UAP1: variants seen among roughly 807,000 people sequenced by gnomAD.
The protein encoded by UAP1 is UDP-N-acetylhexosamine pyrophosphorylase.
UAP1 carries 25 observed loss-of-function variants against 58.5 expected under a neutral mutation model. The ratio of observed to expected loss-of-function variants is 0.43; its 90% CI spans 0.31 to 0.60. The LOEUF (loss-of-function observed/expected upper bound fraction) is 0.60. Ranked by LOEUF, UAP1 falls within the 20% of genes least tolerant of loss-of-function variation. The probability of loss-of-function intolerance (pLI) is 0.11; values close to 1 mark genes in which losing one functional copy is unlikely to be tolerated. For synonymous variants in UAP1, 208 were observed against 213.0 expected (o/e 0.98, Z 0.21); for missense variants, 575 against 630.0 (o/e 0.91, Z 0.93).
intron 7 of UAP1, among the ~76,000 whole-genome samples, chr1:162,589,174 T>C (rs1655122306): frequency 1.0e-5 from 1 of 98,432 alleles, no homozygotes; most frequent in Non-Finnish European, 1.9e-5. Flanking sequence ...AATATATAAA[T>C]ATTATATATA....
At chr1:162,592,584 AT>A in intron 8 of UAP1, 147 bp from the exon 9 acceptor site, 2 of 632,712 alleles carry the variant, frequency 3.2e-6, no homozygotes, top group South Asian at 2.0e-5. Flanking sequence ...TTTTATTTTT[AT>A]TTTTTTACCC....
At chr1:162,587,153 C>T (rs2101810573) in intron 5 of UAP1, among the ~76,000 whole-genome samples, 1 of 152,158 alleles carries the variant, frequency 6.6e-6, no homozygotes, top group East Asian at 1.9e-4. Context: ...GTACAAGATA[C>T]ATGGGGGATG....
At chr1:162,600,698 ATT>A (rs912027701), downstream of UAP1, among the ~76,000 whole-genome samples, 1 of 139,258 alleles carries the variant, frequency 7.2e-6, no homozygotes, top group Non-Finnish European at 1.6e-5. Flanking sequence ...AATCTTACCT[ATT>A]TTTTTTTTAA....
intron 1 of UAP1, among the ~76,000 whole-genome samples, chr1:162,563,768 T>C (rs1004889519): frequency 1.3e-5 from 2 of 152,250 alleles, no homozygotes; most frequent in Non-Finnish European, 1.5e-5. Context: ...TAAAATGTTA[T>C]AGTAATATGT....
At chr1:162,576,755 A>T in intron 2 of UAP1, 22 bp from the exon 3 acceptor site, 1 of 1,606,612 alleles carries the variant, frequency 6.2e-7, no homozygotes, top group East Asian at 2.2e-5. Flanking sequence ...AGGTTTTGTG[A>T]TACAAGTGTT....
exon 11 of UAP1, chr1:162,599,341 A>G (rs1198065907): frequency 6.2e-7 from 1 of 1,611,322 alleles, no homozygotes; most frequent in Non-Finnish European, 8.5e-7. Context: ...GGAGTTCATG[A>G]GCTGGTGAAA....
intron 9 of UAP1, 68 bp downstream of exon 9, chr1:162,592,850 C>T (rs115126765): frequency 0.024 from 33,248 of 1,387,028 alleles, 466 homozygotes; most frequent in Non-Finnish European, 0.027. Flanking sequence ...TAACTGGCAT[C>T]GTAGTTTAGT....
At chr1:162,583,418 GCTGGGATT>G (rs1433989986) in intron 5 of UAP1, among the ~76,000 whole-genome samples, 2 of 151,938 alleles carry the variant, frequency 1.3e-5, no homozygotes, top group African/African-American at 4.8e-5. Flanking sequence ...CTCCCAAAGT[GCTGGGATT>G]ACAGGCGTGA....
At chr1:162,579,468 G>C (rs1383863868) in exon 4 of UAP1, 2 of 1,604,490 alleles carry the variant, frequency 1.2e-6, no homozygotes, top group East Asian at 2.2e-5. Context: ...ATCTACAAAG[G>C]AGTTCTTCAC....
intron 1 of UAP1, among the ~76,000 whole-genome samples, chr1:162,563,244 C>T (rs1490585068): frequency 6.6e-6 from 1 of 152,130 alleles, no homozygotes; most frequent in Non-Finnish European, 1.5e-5. Flanking sequence ...ATGAATTGTG[C>T]TTGTCCAAAA....
intron 2 of UAP1, among the ~76,000 whole-genome samples, chr1:162,572,234 A>C (rs998383312): frequency 6.6e-6 from 1 of 152,218 alleles, no homozygotes; most frequent in African/African-American, 2.4e-5. Context: ...AACACATGCC[A>C]TTTATCTGAA....
chr1:162,576,212 A>G (rs1235101283), intron 2 of UAP1, among the ~76,000 whole-genome samples: 1 of 152,158 alleles, frequency 6.6e-6, no homozygotes, highest in Non-Finnish European at 1.5e-5. Flanking sequence ...CTATATTTGC[A>G]TGCTCATTGA....
exon 8 of UAP1, chr1:162,590,488 C>G (rs373961382): frequency 1.4e-5 from 23 of 1,601,960 alleles, no homozygotes; most frequent in Non-Finnish European, 8.5e-7. Context: ...ATGAAAATGG[C>G]TCTCGCCTTC....
chr1:162,595,769 T>C (rs1259893720), intron 9 of UAP1, among the ~76,000 whole-genome samples: 1 of 152,196 alleles, frequency 6.6e-6, no homozygotes, highest in African/African-American at 2.4e-5. Flanking sequence ...TATGTGATTA[T>C]GTGCTAAATG....
chr1:162,589,185 A>T (rs1343457078), intron 7 of UAP1, among the ~76,000 whole-genome samples: 2 of 81,040 alleles, frequency 2.5e-5, no homozygotes, highest in African/African-American at 4.9e-5. Context: ...ATTATATATA[A>T]TATATATTAT....
chr1:162,587,371 C>T, intron 5 of UAP1, 104 bp from the exon 6 acceptor site: 6 of 1,072,818 alleles, frequency 5.6e-6, no homozygotes, highest in South Asian at 1.7e-5. Context: ...GGCTTTATAC[C>T]TTTTAGTGTA....
chr1:162,596,394 C>G (rs1299543509), intron 9 of UAP1, among the ~76,000 whole-genome samples: 3 of 152,108 alleles, frequency 2.0e-5, no homozygotes, highest in Non-Finnish European at 4.4e-5. Flanking sequence ...AGGCTGGTCT[C>G]AAACTCCTGA....
chr1:162,580,548 A>G (rs1450030612), intron 4 of UAP1, among the ~76,000 whole-genome samples: 4 of 152,236 alleles, frequency 2.6e-5, no homozygotes, highest in Non-Finnish European at 5.9e-5. Context: ...TGACAGATTT[A>G]TGTTTATGAG....
chr1:162,578,042 C>T (rs1245850359), intron 3 of UAP1, among the ~76,000 whole-genome samples: 2 of 151,944 alleles, frequency 1.3e-5, no homozygotes, highest in Non-Finnish European at 1.5e-5. Flanking sequence ...GTGTTAGTTT[C>T]CTAAGGACCA....
Sources: gnomAD v4.1 joint callset for allele counts (sites outside exome capture counted in the v4.1 genomes callset) on GRCh38, gnomAD v4.1.1 for gene constraint, MANE v1.5 for transcripts, NCBI Gene and HGNC (gene_info 2026-07-23, HGNC 2026-07-21) for gene names.